Variants in NEDD4 observed in about 807,000 individuals in gnomAD.
The protein encoded by NEDD4 is NEDD4 E3 ubiquitin protein ligase.
In NEDD4, 99 loss-of-function variants were observed where a neutral mutation model predicts 144.9. That is an observed-to-expected ratio of 0.68 (90% CI 0.58 to 0.81). NEDD4 has a LOEUF of 0.81. Among genes scored for constraint, NEDD4 ranks in the 30% least tolerant of loss-of-function variants. NEDD4 has a pLI of 0.00. For synonymous variants in NEDD4, 318 were observed against 350.6 expected (o/e 0.91, Z 1.04); for missense variants, 985 against 1,065.9 (o/e 0.92, Z 1.06).
intron 5 of NEDD4, among the ~76,000 whole-genome samples, chr15:55,881,102 G>C (rs2035175015): frequency 6.6e-6 from 1 of 150,586 alleles, no homozygotes; most frequent in Non-Finnish European, 1.5e-5. Context: ...AGCTTTTAAT[G>C]ATGTTTTCAA....
chr15:55,951,365 T>C lies in NEDD4; in HGVS notation c.237+11A>G, dbSNP rs1393901954. On this transcript the variant is annotated intron_variant, in intron 4 of 28. Transcript: ENST00000435532. ...CTTTTTCCACTTTAGTAAAATAAAA[T>C]ATATACTTACTCTGAATAATATTTC... 1.1e-6 allele frequency: 1 copy of C among 899,558 alleles called. No individual in the cohort carries two copies. The allele number at this position is 899,558 out of a possible 1,614,324, so 55.7% of individuals were successfully genotyped here. A position where few individuals can be genotyped will look rare whatever the true frequency, so the allele number is the denominator to read the frequency against.
rs753021735 is a variant in NEDD4, at chr15:55,840,479, T to C, written c.1999A>G (p.Lys667Glu). Residue 667 changes from lysine (K) to glutamate (E), a missense_variant, in exon 21 of 29, where the codon AAA (lysine) becomes GAA (glutamate). Lys to Glu is a moderately conservative substitution (Grantham distance 56, BLOSUM62 1). Coordinates refer to ENST00000435532, the MANE Select transcript of NEDD4 (RefSeq NM_006154.4). ...TCCATATCATGAAGGGTTATTGGTT[T>C]GTGAAGCATCATCTTGTAAAATGGG... ...IRPFYKMMLH[K>E]PITLHDMESV... is the part of the protein sequence containing the mutation. 8.1e-6 allele frequency: 13 copies of C among 1,613,912 alleles called. 1 individual carries two copies. In the Admixed American group the frequency reaches 1.7e-4, roughly 21 times the overall value.
chr15:55,972,184 G>T (rs993315941), intron 1 of NEDD4, among the ~76,000 whole-genome samples: 2 of 152,094 alleles, frequency 1.3e-5, no homozygotes, highest in African/African-American at 2.4e-5. Context: ...TCATCTGAAG[G>T]TACAAAATTC....
intron 5 of NEDD4, chr15:55,916,548 C>T (rs146216406): frequency 1.2e-6 from 2 of 1,614,064 alleles, no homozygotes; most frequent in South Asian, 1.1e-5. Context: ...TCCACTGTAC[C>T]TTGTTGGCTG....
At chr15:55,872,763 G>A (rs1451768660) in intron 6 of NEDD4, among the ~76,000 whole-genome samples, 1 of 152,094 alleles carries the variant, frequency 6.6e-6, no homozygotes, top group East Asian at 1.9e-4. Flanking sequence ...TGGTTAGTAT[G>A]TTAACATCCC....
At chr15:55,905,252 C>T (rs965768088) in intron 5 of NEDD4, 1 of 455,750 alleles carries the variant, frequency 2.2e-6, no homozygotes, top group Non-Finnish European at 4.4e-6. Flanking sequence ...AAAGGAATCA[C>T]CTTCACTCCT....
intron 5 of NEDD4, chr15:55,915,251 A>T (rs149201508): frequency 6.6e-7 from 1 of 1,512,890 alleles, no homozygotes; most frequent in East Asian, 2.3e-5. Context: ...TTCTCATATA[A>T]ATTAACATTT....
chr15:55,940,717 A>T (rs1414181107), intron 4 of NEDD4, among the ~76,000 whole-genome samples: 3 of 150,814 alleles, frequency 2.0e-5, no homozygotes, highest in African/African-American at 7.3e-5. Flanking sequence ...TTTTTGGTAG[A>T]GATGGGGTCC....
chr15:55,835,424 T>TG (rs1328197938), intron 24 of NEDD4, among the ~76,000 whole-genome samples: 5 of 131,580 alleles, frequency 3.8e-5, no homozygotes, highest in Admixed American at 7.5e-5. Flanking sequence ...TGTTCTGTTT[T>TG]TTTTTTTTTT....
At chr15:55,970,427 T>G (rs1255180189) in intron 1 of NEDD4, among the ~76,000 whole-genome samples, 2 of 152,114 alleles carry the variant, frequency 1.3e-5, no homozygotes, top group Non-Finnish European at 2.9e-5. Flanking sequence ...ACACAAGTGG[T>G]AGCCAGGAAA....
intron 4 of NEDD4, among the ~76,000 whole-genome samples, chr15:55,944,011 G>A (rs575670032): frequency 6.6e-6 from 1 of 152,316 alleles, no homozygotes; most frequent in African/African-American, 2.4e-5. Context: ...GCTTTAAGAT[G>A]TAATGATTGG....
intron 13 of NEDD4, among the ~76,000 whole-genome samples, chr15:55,851,347 C>T (rs1473850672): frequency 1.3e-5 from 2 of 151,154 alleles, no homozygotes; most frequent in Non-Finnish European, 2.9e-5. Context: ...AAGGTGTAGA[C>T]TTACAGGGCC....
rs556134969 is a variant in NEDD4, at chr15:55,920,475, T to A, written c.291+4171A>T. Among the ~76,000 whole-genome samples, 8 of 152,102 alleles carry A rather than the reference T, an allele frequency of 5.3e-5. No individual in the cohort carries two copies. In the South Asian group the frequency reaches 1.7e-3, roughly 31 times the overall value. ...ACATCATTCTGAAATGTTCTGTCAT[T>A]ATTGCCACCACTACCACCACCATCA... On this transcript the variant is annotated intron_variant, in intron 5 of 28. Transcript: ENST00000435532.
chr15:55,965,123 G>C (rs1461543671), intron 2 of NEDD4, among the ~76,000 whole-genome samples: 2 of 152,068 alleles, frequency 1.3e-5, no homozygotes, highest in African/African-American at 4.8e-5. Context: ...TAGGAATTCT[G>C]TTATAGCAAC....
At chr15:55,835,513 C>T (rs2033155536) in intron 24 of NEDD4, among the ~76,000 whole-genome samples, 1 of 149,934 alleles carries the variant, frequency 6.7e-6, no homozygotes. Flanking sequence ...TCCCAGGTCT[C>T]TCTCCACATG....
intron 7 of NEDD4, among the ~76,000 whole-genome samples, chr15:55,871,581 A>G (rs181571424): frequency 5.8e-4 from 89 of 152,352 alleles, no homozygotes; most frequent in African/African-American, 2.0e-3. Context: ...AGACATCTAC[A>G]GAAATTAAAT....
At chr15:55,943,196 C>T (rs867040171) in intron 4 of NEDD4, among the ~76,000 whole-genome samples, 5 of 152,186 alleles carry the variant, frequency 3.3e-5, no homozygotes, top group Non-Finnish European at 5.9e-5. Context: ...GAAAGCAGAG[C>T]ATAAAAGTTG....
intron 8 of NEDD4, among the ~76,000 whole-genome samples, chr15:55,867,419 A>G (rs1308295676): frequency 6.6e-6 from 1 of 152,162 alleles, no homozygotes; most frequent in African/African-American, 2.4e-5. Flanking sequence ...CTCCACAGAA[A>G]CTCAACTGTG....
intron 5 of NEDD4, among the ~76,000 whole-genome samples, chr15:55,893,812 T>C (rs1595808437): frequency 6.7e-6 from 1 of 149,186 alleles, no homozygotes; most frequent in Non-Finnish European, 1.5e-5. Flanking sequence ...ATACTAGATA[T>C]AGATAGAAAA....
Sources: allele counts gnomAD v4.1 joint callset (sites outside exome capture counted in the v4.1 genomes callset), GRCh38; gene constraint gnomAD v4.1.1; transcripts MANE v1.5; gene names NCBI Gene and HGNC (gene_info 2026-07-23, HGNC 2026-07-21).